Variants in RPS6KA2 observed in about 807,000 individuals in gnomAD.
RPS6KA2 encodes ribosomal protein S6 kinase alpha-2.
Under a neutral mutation model 91.8 loss-of-function variants are expected in RPS6KA2, and 42 were observed. The ratio of observed to expected loss-of-function variants is 0.46; its 90% confidence interval spans 0.36 to 0.59. The LOEUF (loss-of-function observed/expected upper bound fraction) is 0.59. Among genes scored for constraint, RPS6KA2 ranks in the 20% least tolerant of loss-of-function variants. The pLI is 0.00. For missense variants in RPS6KA2, 798 were observed against 978.5 expected (o/e 0.82, Z 2.46); for synonymous variants, 414 against 393.6 (o/e 1.05, Z -0.61).
At chr6:166,776,549 C>G (rs1778624487) in intron 2 of RPS6KA2, among the ~76,000 whole-genome samples, 1 of 152,152 alleles carries the variant, frequency 6.6e-6, no homozygotes, top group Non-Finnish European at 1.5e-5. Flanking sequence ...TCTTCCACGC[C>G]CATGAAGCAG....
At chr6:166,559,416 C>T (rs756667029) in intron 1 of RPS6KA2, among the ~76,000 whole-genome samples, 5 of 152,228 alleles carry the variant, frequency 3.3e-5, no homozygotes, top group Non-Finnish European at 7.3e-5. Context: ...AACCTTCCGA[C>T]ACTTCCTGAA....
chr6:166,443,772 A>C (rs1779593884), intron 14 of RPS6KA2, among the ~76,000 whole-genome samples: 1 of 152,212 alleles, frequency 6.6e-6, no homozygotes, highest in African/African-American at 2.4e-5. Flanking sequence ...TGTATAATAA[A>C]TCTGTGTATA....
intron 1 of RPS6KA2, among the ~76,000 whole-genome samples, chr6:166,561,252 C>T (rs986998638): frequency 6.6e-6 from 1 of 152,136 alleles, no homozygotes; most frequent in Non-Finnish European, 1.5e-5. Context: ...TTGTCATCTC[C>T]ACCCATTTCA....
At chr6:166,823,696 A>G (rs1291419828) in intron 2 of RPS6KA2, among the ~76,000 whole-genome samples, 1 of 152,170 alleles carries the variant, frequency 6.6e-6, no homozygotes, top group Non-Finnish European at 1.5e-5. Flanking sequence ...AAATTTTCCA[A>G]AATAAAAGCA....
rs774103845 is a variant in RPS6KA2, at chr6:166,459,562, A to C, written c.973-11T>G. 4.9e-5 allele frequency: 78 copies of C among 1,599,970 alleles called. No homozygotes were observed. The highest frequency in any genetic ancestry group is 6.6e-5 in the Non-Finnish European group (77 of 1,167,776). ...CTTCCGGTACAGCGTCTATTAATAC[A>C]AGGAAAGCAAGACAGGGCACTGAGG... On this transcript the variant is annotated splice_polypyrimidine_tract_variant and intron_variant, in intron 11 of 20. Coordinates refer to ENST00000265678, the MANE Select transcript of RPS6KA2 (RefSeq NM_021135.6). The surrounding 1 kb of genome is among the most constrained non-coding windows in gnomAD (Gnocchi z 4.9).
Position 166,519,637 on chromosome 6 carries a change from CTG to C in RPS6KA2, c.299-9282_299-9281del, listed in dbSNP as rs1240054692. Among the ~76,000 whole-genome samples the C allele has an allele frequency of 2.6e-5, 4 of 152,324 alleles. No homozygotes were observed. The East Asian group carries it at 7.7e-4, about 29-fold the overall frequency. ...TGGAGGCACCAACAGGTTCACCCCA[CTG>C]TGAAGGGCACACTGGTTTCCTTCCC... On this transcript the variant is annotated intron_variant, in intron 3 of 20. Coordinates refer to ENST00000265678, the MANE Select transcript of RPS6KA2 (RefSeq NM_021135.6).
rs1487354260 is a variant in RPS6KA2 at position 166,835,664 on chromosome 6, T to C, written c.123+22536A>G. ...CTTTTGCAGATAATTTGGAATCTTC[T>C]AGGTAAATAGTAATGTTGTATGAAA... On this transcript the variant is annotated intron_variant, in intron 2 of 21. Coordinates refer to the RPS6KA2 transcript ENST00000503859. Among the ~76,000 whole-genome samples the C allele has an allele frequency of 3.9e-5, 6 of 152,274 alleles. No homozygotes were observed. The East Asian group carries it at 7.7e-4, about 19-fold the overall frequency.
At chr6:166,455,307 G>A (rs1341290665) in intron 12 of RPS6KA2, among the ~76,000 whole-genome samples, 3 of 152,136 alleles carry the variant, frequency 2.0e-5, no homozygotes, top group Admixed American at 6.5e-5. Flanking sequence ...CCCAGGAGCC[G>A]GGCCCCACGC....
intron 14 of RPS6KA2, among the ~76,000 whole-genome samples, chr6:166,442,065 C>T (rs1233880533): frequency 6.6e-6 from 1 of 152,230 alleles, no homozygotes; most frequent in Admixed American, 6.5e-5. Flanking sequence ...GACCAGGAGA[C>T]TCAGGTGCGA....
At chr6:166,810,347 A>G (rs752474136) in intron 2 of RPS6KA2, among the ~76,000 whole-genome samples, 37 of 152,174 alleles carry the variant, frequency 2.4e-4, no homozygotes, top group Non-Finnish European at 1.3e-4. Flanking sequence ...CCCTGGCTAT[A>G]AGCAACAGAC....
intron 2 of RPS6KA2, among the ~76,000 whole-genome samples, chr6:166,813,532 C>G (rs892702174): frequency 1.3e-5 from 2 of 152,206 alleles, no homozygotes; most frequent in Admixed American, 6.5e-5. Context: ...AGTGGATTGT[C>G]TTGCATTCTG....
intron 10 of RPS6KA2, chr6:166,475,623 G>C (rs1316378372): frequency 3.1e-6 from 1 of 327,530 alleles, no homozygotes; most frequent in Admixed American, 3.8e-5. Context: ...GTCAGTGGCA[G>C]TGCCATCCAC....
At chr6:166,604,086 A>T (rs1394355080) in intron 1 of RPS6KA2, among the ~76,000 whole-genome samples, 3 of 152,232 alleles carry the variant, frequency 2.0e-5, no homozygotes, top group Non-Finnish European at 2.9e-5. Context: ...CCCTCCATGG[A>T]AAAGCTCCAG....
chr6:166,714,171 T>C (rs1377688053), intron 2 of RPS6KA2, among the ~76,000 whole-genome samples: 2 of 152,204 alleles, frequency 1.3e-5, no homozygotes, highest in Non-Finnish European at 2.9e-5. Context: ...CCCAGCACGC[T>C]GTGGGGATGG....
At chr6:166,777,409 A>C (rs973904023) in intron 2 of RPS6KA2, among the ~76,000 whole-genome samples, 2 of 152,274 alleles carry the variant, frequency 1.3e-5, no homozygotes, top group Admixed American at 1.3e-4. Flanking sequence ...GGACCACCTG[A>C]AACTGAGCCA....
chr6:166,562,712 G>C (rs1268653888), intron 1 of RPS6KA2, among the ~76,000 whole-genome samples: 1 of 152,206 alleles, frequency 6.6e-6, no homozygotes, highest in East Asian at 1.9e-4. Flanking sequence ...AACATTCCAA[G>C]AAACAGCCTC....
intron 1 of RPS6KA2, among the ~76,000 whole-genome samples, chr6:166,607,440 A>G (rs566111918): frequency 6.6e-6 from 1 of 152,354 alleles, no homozygotes; most frequent in South Asian, 2.1e-4. Flanking sequence ...ATGCAGTGGA[A>G]TATTACTTGG....
intron 1 of RPS6KA2, among the ~76,000 whole-genome samples, chr6:166,611,487 G>T (rs1310290079): frequency 1.3e-5 from 2 of 152,200 alleles, no homozygotes; most frequent in Non-Finnish European, 2.9e-5. Flanking sequence ...TAGGCAAAAG[G>T]TATATAACAT....
At chr6:166,758,805 G>A (rs1474965427) in intron 2 of RPS6KA2, among the ~76,000 whole-genome samples, 2 of 152,150 alleles carry the variant, frequency 1.3e-5, no homozygotes, top group Admixed American at 6.5e-5. Context: ...CCTTGATTTA[G>A]GGTAGTGCAT....
Sources: gnomAD v4.1 joint callset for allele counts (sites outside exome capture counted in the v4.1 genomes callset) on GRCh38, gnomAD v4.1.1 for gene constraint, Gnocchi (gnomAD v3.1) non-coding constraint, MANE v1.5 for transcripts, NCBI Gene and HGNC (gene_info 2026-07-23, HGNC 2026-07-21) for gene names.